LRRC7: variants seen among roughly 807,000 people sequenced by gnomAD.
LRRC7 encodes leucine-rich repeat-containing protein 7.
Under a neutral mutation model 175.7 loss-of-function variants are expected in LRRC7, and 23 were observed. The ratio of observed to expected loss-of-function variants is 0.13; its 90% confidence interval spans 0.09 to 0.19. LRRC7 has a LOEUF of 0.19. Among genes scored for constraint, LRRC7 ranks in the 10% least tolerant of loss-of-function variants. The pLI, the probability that LRRC7 is intolerant of heterozygous loss-of-function variation, is 1.00. For missense variants in LRRC7, 1,354 were observed against 1,904.7 expected, an observed-to-expected ratio of 0.71 and a Z score of 5.38; for synonymous variants, 685 against 680.9, an observed-to-expected ratio of 1.01 and a Z score of -0.09.
At chr1:69,808,713 A>G (rs1483790548) in intron 4 of LRRC7, among the ~76,000 whole-genome samples, 2 of 152,148 alleles carry the variant, frequency 1.3e-5, no homozygotes, top group East Asian at 1.9e-4. Flanking sequence ...TTTGAAACCA[A>G]TAAGAACAAA....
At chr1:69,788,639 G>T (rs190280373) in intron 3 of LRRC7, among the ~76,000 whole-genome samples, 1 of 152,094 alleles carries the variant, frequency 6.6e-6, no homozygotes, top group Admixed American at 6.5e-5. Flanking sequence ...TTCAACAAAG[G>T]TGTGACATTA....
At chr1:69,656,952 A>G (rs1238540684) in intron 1 of LRRC7, among the ~76,000 whole-genome samples, 2 of 151,926 alleles carry the variant, frequency 1.3e-5, no homozygotes, top group Non-Finnish European at 2.9e-5. Flanking sequence ...ATTTAAAAGG[A>G]AAAGAGAGAG....
intron 4 of LRRC7, among the ~76,000 whole-genome samples, chr1:69,801,753 CT>C (rs1676524477): frequency 6.8e-6 from 1 of 147,718 alleles, no homozygotes; most frequent in Non-Finnish European, 1.5e-5. Context: ...TTTTCTTGTG[CT>C]GTGTATTTGG....
At chr1:69,862,789 G>C (rs935709835) in intron 7 of LRRC7, among the ~76,000 whole-genome samples, 1 of 151,906 alleles carries the variant, frequency 6.6e-6, no homozygotes, top group African/African-American at 2.4e-5. Context: ...GTGGTTTGCT[G>C]CACCCATCAA....
Position 69,978,637 on chromosome 1 carries a change from CTT to C in LRRC7, c.712-1741_712-1740del, listed in dbSNP as rs778821718. Among the ~76,000 whole-genome samples, 12 of 152,126 alleles carry C rather than the reference CTT, an allele frequency of 7.9e-5. No individual in the cohort carries two copies. In the East Asian group the frequency reaches 1.9e-3, roughly 24 times the overall value. ...ATTTCAATCCTTGTTATAAAGGAAA[CTT>C]CTCCCAAGAATCTTACCACGTTCTA... On this transcript the variant is annotated intron_variant, in intron 8 of 26. Coordinates refer to ENST00000651989, the MANE Select transcript of LRRC7 (RefSeq NM_001370785.2).
intron 7 of LRRC7, among the ~76,000 whole-genome samples, chr1:69,890,597 C>G (rs572206197): frequency 1.3e-5 from 2 of 152,334 alleles, no homozygotes; most frequent in South Asian, 4.1e-4. Flanking sequence ...GCGAGTCAGA[C>G]TGTCCTTTGA....
chr1:70,086,980 T>G (rs1348014150), intron 24 of LRRC7, among the ~76,000 whole-genome samples: 6 of 152,184 alleles, frequency 3.9e-5, no homozygotes, highest in Non-Finnish European at 7.3e-5. Context: ...TCTGACATGC[T>G]TTATGAGACC....
intron 7 of LRRC7, among the ~76,000 whole-genome samples, chr1:69,851,338 G>A (rs1178128533): frequency 1.3e-5 from 2 of 152,110 alleles, no homozygotes; most frequent in Non-Finnish European, 2.9e-5. Flanking sequence ...GTCAGTAACT[G>A]GACAGGCACA....
chr1:69,960,111 G>C (rs1650898228), intron 8 of LRRC7, among the ~76,000 whole-genome samples: 2 of 152,086 alleles, frequency 1.3e-5, no homozygotes, highest in African/African-American at 4.8e-5. Context: ...AATCCGTCTG[G>C]TCCTGGGTTT....
In LRRC7 at chr1:69,568,234, G is replaced by A. The variant is rs138604515; in HGVS notation, c.-406G>A. On this transcript the variant is annotated 5_prime_UTR_variant, in exon 1 of 27. Transcript: ENST00000651989. The stretch of plus-strand genomic sequence containing the variant: ...GTCTCTTCTCCGCCCAGGATTTATT[G>A]TCTGTGGAGCCTTCTGGGGGCGGGG... Among the ~76,000 whole-genome samples the A allele has an allele frequency of 4.8e-3, 723 of 152,140 alleles. 10 individuals are homozygous for A. Among genetic ancestry groups the A allele is most frequent in the African/African-American group, 0.016 (682 of 41,520 alleles).
intron 17 of LRRC7, among the ~76,000 whole-genome samples, chr1:70,025,871 A>T (rs1296498330): frequency 6.6e-6 from 1 of 151,744 alleles, no homozygotes; most frequent in Non-Finnish European, 1.5e-5. Context: ...ATATAAAATG[A>T]CTATGTAAAT....
chr1:69,639,928 A>C (rs1653953264), intron 1 of LRRC7, among the ~76,000 whole-genome samples: 1 of 151,804 alleles, frequency 6.6e-6, no homozygotes, highest in Admixed American at 6.6e-5. Context: ...GGGAAAATAA[A>C]AACGTGCAGT....
chr1:69,833,811 G>A (rs895513772), intron 5 of LRRC7, among the ~76,000 whole-genome samples: 20 of 151,944 alleles, frequency 1.3e-4, no homozygotes, highest in Admixed American at 2.0e-4. Context: ...ACAGAATTGA[G>A]GTAGATGCCA....
chr1:69,864,608 T>G (rs965264651), intron 7 of LRRC7, among the ~76,000 whole-genome samples: 3 of 152,186 alleles, frequency 2.0e-5, no homozygotes, highest in African/African-American at 7.2e-5. Flanking sequence ...GTATTTGAAG[T>G]GTCAGAAGAT....
At chr1:70,109,733 A>G (rs546607239) in intron 26 of LRRC7, among the ~76,000 whole-genome samples, 1 of 152,346 alleles carries the variant, frequency 6.6e-6, no homozygotes, top group East Asian at 1.9e-4. Flanking sequence ...TGAAAATTGT[A>G]TGAATTGTAG....
chr1:69,968,255 A>G (rs1651861435), intron 8 of LRRC7, among the ~76,000 whole-genome samples: 2 of 152,118 alleles, frequency 1.3e-5, no homozygotes, highest in African/African-American at 4.8e-5. Context: ...AACAAAGACA[A>G]AGAAAAAAGA....
At chr1:69,743,526 GAGA>G (rs1287582634) in intron 2 of LRRC7, among the ~76,000 whole-genome samples, 1 of 152,002 alleles carries the variant, frequency 6.6e-6, no homozygotes, top group African/African-American at 2.4e-5. Flanking sequence ...GTCAAAGCGA[GAGA>G]AGAAGACAAC....
chr1:69,731,885 G>A (rs1667617418), intron 2 of LRRC7, among the ~76,000 whole-genome samples: 1 of 152,140 alleles, frequency 6.6e-6, no homozygotes, highest in Non-Finnish European at 1.5e-5. Flanking sequence ...TTAGTGAGAA[G>A]TTATCTGGGT....
At chr1:69,914,230 G>GA (rs1646620596) in intron 7 of LRRC7, among the ~76,000 whole-genome samples, 1 of 152,174 alleles carries the variant, frequency 6.6e-6, no homozygotes, top group African/African-American at 2.4e-5. Flanking sequence ...TTGCTGCACT[G>GA]GAAATTTATG....
Sources: allele counts gnomAD v4.1 joint callset (sites outside exome capture counted in the v4.1 genomes callset), GRCh38; gene constraint gnomAD v4.1.1; transcripts MANE v1.5; gene names NCBI Gene and HGNC (gene_info 2026-07-23, HGNC 2026-07-21).